Variants in ATP8A2 observed in about 807,000 individuals in gnomAD.
ATP8A2 encodes the protein ATPase phospholipid transporting 8A2.
In ATP8A2, 100 loss-of-function variants were observed where a neutral mutation model predicts 165.6. That is an observed-to-expected ratio of 0.60 (90% CI 0.51 to 0.71). The LOEUF (loss-of-function observed/expected upper bound fraction) is 0.71. ATP8A2 is among the 30% of genes least tolerant of loss of function. The pLI is 0.00. For synonymous variants in ATP8A2, 543 were observed against 548.8 expected (o/e 0.99, Z 0.15); for missense variants, 1,227 against 1,479.5 (o/e 0.83, Z 2.80).
intron 2 of ATP8A2, among the ~76,000 whole-genome samples, chr13:25,487,583 C>G (rs2036391465): frequency 6.6e-6 from 1 of 152,110 alleles, no homozygotes; most frequent in Non-Finnish European, 1.5e-5. Flanking sequence ...GTGTGTTTGA[C>G]AACAACTCTC....
intron 33 of ATP8A2, among the ~76,000 whole-genome samples, chr13:25,914,251 T>C (rs1001553156): frequency 1.3e-5 from 2 of 152,182 alleles, no homozygotes; most frequent in Non-Finnish European, 2.9e-5. Context: ...ATGGTATCAC[T>C]TCCATTCCCA....
intron 35 of ATP8A2, among the ~76,000 whole-genome samples, chr13:25,986,911 T>G (rs1566329086): frequency 1.3e-5 from 2 of 152,194 alleles, no homozygotes; most frequent in South Asian, 2.1e-4. Context: ...ATTCCTAGAT[T>G]TCAGCACTCT....
intron 25 of ATP8A2, among the ~76,000 whole-genome samples, chr13:25,707,799 G>C (rs2043083044): frequency 6.6e-6 from 1 of 152,104 alleles, no homozygotes; most frequent in South Asian, 2.1e-4. Flanking sequence ...TGATTTACAT[G>C]GCACAAGTTC....
intron 2 of ATP8A2, among the ~76,000 whole-genome samples, chr13:25,525,907 T>C (rs976083287): frequency 2.0e-5 from 3 of 152,166 alleles, no homozygotes; most frequent in Non-Finnish European, 4.4e-5. Context: ...TCCTTGCTCT[T>C]GTTTAACTCC....
At chr13:25,392,912 CA>C (rs5802332) in intron 1 of ATP8A2, among the ~76,000 whole-genome samples, 41,605 of 147,650 alleles carry the variant, frequency 0.28, 6,456 homozygotes, top group African/African-American at 0.41. Flanking sequence ...CTCATCTCTA[CA>C]AAAAAAAAAC....
chr13:25,831,928 C>CA (rs11427244), intron 28 of ATP8A2, among the ~76,000 whole-genome samples: 151,926 of 151,928 alleles, frequency 1, 75,962 homozygotes, highest in Middle Eastern at 1. Flanking sequence ...TATCCATAGT[C>CA]AATTTCTTTA....
At chr13:25,472,907 C>G (rs1035807378) in intron 2 of ATP8A2, among the ~76,000 whole-genome samples, 1 of 152,140 alleles carries the variant, frequency 6.6e-6, no homozygotes, top group Non-Finnish European at 1.5e-5. Flanking sequence ...GCTTGCCTTT[C>G]TGGGAAGCTG....
intron 33 of ATP8A2, among the ~76,000 whole-genome samples, chr13:25,952,997 G>A (rs1311754992): frequency 6.6e-6 from 1 of 152,148 alleles, no homozygotes; most frequent in African/African-American, 2.4e-5. Flanking sequence ...ACGTTTGAAT[G>A]GAAAGAAATT....
intron 24 of ATP8A2, among the ~76,000 whole-genome samples, chr13:25,622,711 G>T (rs1255763421): frequency 6.6e-6 from 1 of 152,116 alleles, no homozygotes; most frequent in African/African-American, 2.4e-5. Context: ...GCATCTCCAG[G>T]GGAATAAAAG....
chr13:25,724,618 T>A (rs1447546395), intron 25 of ATP8A2, among the ~76,000 whole-genome samples: 1 of 152,238 alleles, frequency 6.6e-6, no homozygotes, highest in Non-Finnish European at 1.5e-5. Context: ...TTCTCCATTT[T>A]AAAAATTCAC....
intron 1 of ATP8A2, among the ~76,000 whole-genome samples, chr13:25,464,446 T>TAAAA (rs34063090): frequency 1.1e-3 from 135 of 127,440 alleles, no homozygotes; most frequent in Non-Finnish European, 1.6e-3. Flanking sequence ...CATCTCTATC[T>TAAAA]AAAAAAAAAA....
At chr13:25,450,528 TTG>T (rs10562123) in intron 1 of ATP8A2, among the ~76,000 whole-genome samples, 61,536 of 150,454 alleles carry the variant, frequency 0.41, 13,180 homozygotes, top group East Asian at 0.6. Context: ...TGACTGGTCT[TTG>T]TGTGTGTGTG....
intron 35 of ATP8A2, among the ~76,000 whole-genome samples, chr13:26,000,352 GCTGTGTA>G (rs1956608428): frequency 6.6e-6 from 1 of 152,170 alleles, no homozygotes; most frequent in Admixed American, 6.5e-5. Flanking sequence ...GGAGTTATTT[GCTGTGTA>G]CTCCACACTC....
intron 24 of ATP8A2, among the ~76,000 whole-genome samples, chr13:25,687,381 C>T (rs1034603733): frequency 1.3e-5 from 2 of 152,170 alleles, no homozygotes; most frequent in Non-Finnish European, 2.9e-5. Context: ...TTGAAATTTA[C>T]AGACACTAAT....
chr13:25,570,655 G>A (rs2039441143), intron 16 of ATP8A2, 112 bp from the exon 17 acceptor site: 1 of 848,122 alleles, frequency 1.2e-6, no homozygotes. Flanking sequence ...CCTCTACCCT[G>A]TCCTACAGGG....
rs2037979371 is a variant in ATP8A2, at chr13:25,530,011, C to T, written c.234C>T (p.Tyr78=). ...FRDNQISTAK[Y]SVLTFLPRFL... ...TTTGCACTTACAGTACGGCCAAGTA[C>T]AGCGTGTTGACATTTCTACCTCGAT... Residue 78 remains tyrosine (Y), a synonymous_variant, in exon 3 of 37, where the codon TAC becomes TAT. Coordinates refer to ENST00000381655, the MANE Select transcript of ATP8A2 (RefSeq NM_016529.6). 2 of 1,609,220 alleles carry T rather than the reference C, an allele frequency of 1.2e-6. No individual in the cohort carries two copies. Among genetic ancestry groups the T allele is most frequent in the Admixed American group, 1.7e-5 (1 of 59,794 alleles).
chr13:25,858,572 C>T (rs1952238878), intron 30 of ATP8A2, among the ~76,000 whole-genome samples: 1 of 152,188 alleles, frequency 6.6e-6, no homozygotes, highest in African/African-American at 2.4e-5. Flanking sequence ...CATGCTTCTG[C>T]AGTTCCACTT....
At chr13:25,859,645 T>C (rs1021554898) in intron 30 of ATP8A2, among the ~76,000 whole-genome samples, 1 of 152,174 alleles carries the variant, frequency 6.6e-6, no homozygotes, top group African/African-American at 2.4e-5. Flanking sequence ...TTGGAGTGCT[T>C]GCGTTCCCCC....
chr13:25,593,809 C>G (rs968427371), intron 24 of ATP8A2, among the ~76,000 whole-genome samples: 1 of 152,150 alleles, frequency 6.6e-6, no homozygotes, highest in Non-Finnish European at 1.5e-5. Context: ...GACTTGTGGA[C>G]TAGAGTTAGT....
Sources: gnomAD v4.1 joint callset for allele counts (sites outside exome capture counted in the v4.1 genomes callset) on GRCh38, gnomAD v4.1.1 for gene constraint, MANE v1.5 for transcripts, NCBI Gene and HGNC (gene_info 2026-07-23, HGNC 2026-07-21) for gene names.